Variants in SENP8 observed in about 807,000 individuals in gnomAD.
The protein encoded by SENP8 is SUMO peptidase family member, NEDD8 specific, also known as sentrin-specific protease 8.
Under a neutral mutation model 14.4 loss-of-function variants are expected in SENP8, and 10 were observed. The ratio of observed to expected loss-of-function variants is 0.69; its 90% CI spans 0.43 to 1.18. The LOEUF is 1.18. SENP8 is among the 50% of genes most tolerant of loss of function. The pLI, the probability that SENP8 is intolerant of heterozygous loss-of-function variation, is 0.00. For synonymous variants in SENP8, 94 were observed against 95.5 expected, an observed-to-expected ratio of 0.98 and a Z score of 0.09; for missense variants, 202 against 249.4, an observed-to-expected ratio of 0.81 and a Z score of 1.28.
At chr15:72,136,714 T>A (rs1348692446) in intron 1 of SENP8, among the ~76,000 whole-genome samples, 2 of 152,208 alleles carry the variant, frequency 1.3e-5, no homozygotes, top group Non-Finnish European at 2.9e-5. Flanking sequence ...ACTGGTCTAA[T>A]GGTCAGAATT....
intron 1 of SENP8, among the ~76,000 whole-genome samples, chr15:72,138,213 A>C (rs1188272475): frequency 6.6e-6 from 1 of 152,140 alleles, no homozygotes; most frequent in African/African-American, 2.4e-5. Flanking sequence ...GTACATGGCA[A>C]GTTTCCAGTT....
chr15:72,114,301 C>CA (rs2080888703), upstream of SENP8: 2 of 152,218 alleles, frequency 1.3e-5, no homozygotes, highest in Admixed American at 1.3e-4. Context: ...GAGGGCATGA[C>CA]AAGAGGCAGA....
rs368160463 is a variant in SENP8 at position 72,133,301 on chromosome 15, C to T, written c.-47-6276C>T. On this transcript the variant is annotated intron_variant, in intron 1 of 1. Transcript: ENST00000340912. ...GGCCATTAATGGCTCCCACTTCCTC[C>T]AGTATAAATTTCAAACTCCTTCACT... is the stretch of plus-strand genomic sequence containing the variant. Among the ~76,000 whole-genome samples, 226 of 152,318 alleles carry T rather than the reference C, an allele frequency of 1.5e-3. 1 individual carries two copies. The highest frequency in any genetic ancestry group is 1.6e-3 in the Non-Finnish European group (112 of 68,026).
intron 1 of SENP8, among the ~76,000 whole-genome samples, chr15:72,119,434 G>C (rs1331037470): frequency 1.3e-5 from 2 of 152,242 alleles, no homozygotes; most frequent in Non-Finnish European, 2.9e-5. Flanking sequence ...AGTTGAGACA[G>C]TTGGCTCTGT....
chr15:72,125,531 C>G (rs531634118), intron 1 of SENP8, among the ~76,000 whole-genome samples: 4 of 151,688 alleles, frequency 2.6e-5, no homozygotes, highest in South Asian at 4.2e-4. Context: ...AAACTCTTTA[C>G]TTTTTTAATC....
Position 72,118,421 on chromosome 15 carries a change from CAG to C in SENP8, c.-88_-87del, listed in dbSNP as rs1164969851. ...CGTAGCTGTCGCTTTCCGGCCAACA[CAG>C]AGGTGCCTGAAGGCTGGTTGGGGTG... On this transcript the variant is annotated 5_prime_UTR_variant, in exon 1 of 2. Transcript: ENST00000340912. 6.5e-6 allele frequency: 1 copy of C among 154,518 alleles called. No individual in the cohort carries two copies. The highest frequency in any genetic ancestry group is 1.4e-5 in the Non-Finnish European group (1 of 69,762). The allele number at this position is 154,518 out of a possible 1,614,324, so 9.6% of individuals were successfully genotyped here. A position where few individuals can be genotyped will look rare whatever the true frequency, so the allele number is the denominator to read the frequency against.
chr15:72,131,670 T>A (rs1240166942), intron 1 of SENP8, among the ~76,000 whole-genome samples: 1 of 152,190 alleles, frequency 6.6e-6, no homozygotes, highest in Non-Finnish European at 1.5e-5. Context: ...ATTTGGAAGA[T>A]ACAATAAACT....
chr15:72,118,221 A>G (rs1596634144), upstream of SENP8: 1 of 332,348 alleles, frequency 3.0e-6, no homozygotes, highest in Non-Finnish European at 5.3e-6. Context: ...ACGTGACGCC[A>G]CTGGAGAGTA....
chr15:72,130,557 ATTTTTT>A (rs11411490), intron 1 of SENP8, among the ~76,000 whole-genome samples: 2 of 106,164 alleles, frequency 1.9e-5, no homozygotes, highest in Admixed American at 1.2e-4. Context: ...ATGTTTTAGG[ATTTTTT>A]TTTTTTTTTT....
intron 1 of SENP8, among the ~76,000 whole-genome samples, chr15:72,133,365 C>T (rs2081294118): frequency 1.3e-5 from 2 of 152,210 alleles, no homozygotes; most frequent in Admixed American, 1.3e-4. Context: ...TAAGAATCCT[C>T]TAATATTTGC....
chr15:72,131,144 C>G (rs1596649678), intron 1 of SENP8, among the ~76,000 whole-genome samples: 4 of 152,148 alleles, frequency 2.6e-5, no homozygotes, highest in Admixed American at 1.3e-4. Context: ...TTCAAGGATG[C>G]AGTGAGCTAT....
At chr15:72,118,204 C>G, upstream of SENP8, 1 of 356,234 alleles carries the variant, frequency 2.8e-6, no homozygotes, top group East Asian at 4.2e-5. Context: ...CCCTGTCCCG[C>G]CCCCGCACGT....
At chr15:72,134,331 G>A (rs1481924890) in intron 1 of SENP8, among the ~76,000 whole-genome samples, 1 of 152,124 alleles carries the variant, frequency 6.6e-6, no homozygotes, top group Non-Finnish European at 1.5e-5. Context: ...TGTAATCCTA[G>A]CATTTAGTGG....
chr15:72,135,947 C>T (rs184276136), intron 1 of SENP8, among the ~76,000 whole-genome samples: 1 of 152,302 alleles, frequency 6.6e-6, no homozygotes, highest in Admixed American at 6.5e-5. Flanking sequence ...ACCTGGCACT[C>T]ACAAGTATGC....
At chr15:72,126,186 C>T (rs1567066835) in intron 1 of SENP8, among the ~76,000 whole-genome samples, 1 of 151,948 alleles carries the variant, frequency 6.6e-6, no homozygotes, top group African/African-American at 2.4e-5. Context: ...CTGAGCTGTC[C>T]AGTATACTAG....
chr15:72,126,039 T>G (rs1462638073), intron 1 of SENP8, among the ~76,000 whole-genome samples: 1 of 151,964 alleles, frequency 6.6e-6, no homozygotes, highest in Admixed American at 6.6e-5. Flanking sequence ...GCCAGGCGGG[T>G]CTCAAGCTCC....
At chr15:72,114,485 G>A (rs2080895831), upstream of SENP8, 1 of 152,262 alleles carries the variant, frequency 6.6e-6, no homozygotes, top group East Asian at 1.9e-4. Flanking sequence ...GAGTGAAGCG[G>A]AGGGCAATTC....
At chr15:72,118,064 T>C (rs189825402), upstream of SENP8, 2,752 of 395,054 alleles carry the variant, frequency 7.0e-3, 80 homozygotes, top group Admixed American at 0.061. Context: ...CCGCGTCCCT[T>C]ATCCGCTTCG....
At chr15:72,137,840 C>T (rs960044977) in intron 1 of SENP8, among the ~76,000 whole-genome samples, 2 of 151,732 alleles carry the variant, frequency 1.3e-5, no homozygotes, top group African/African-American at 4.8e-5. Flanking sequence ...GGTGTTGTGG[C>T]GGGCGCCTGT....
Sources: allele counts gnomAD v4.1 joint callset (sites outside exome capture counted in the v4.1 genomes callset), GRCh38; gene constraint gnomAD v4.1.1; transcripts MANE v1.5; gene names NCBI Gene and HGNC (gene_info 2026-07-23, HGNC 2026-07-21).